PLCH1: variants seen among roughly 807,000 people sequenced by gnomAD.
The protein encoded by PLCH1 is phospholipase C eta 1, also known as 1-phosphatidylinositol 4,5-bisphosphate phosphodiesterase eta-1.
A neutral mutation model predicts 126.7 loss-of-function variants in PLCH1; 60 were observed. That is an observed-to-expected ratio of 0.47 (90% CI 0.38 to 0.59). PLCH1 has a LOEUF of 0.59. Ranked by LOEUF, PLCH1 falls within the 20% of genes least tolerant of loss-of-function variation. The pLI, the probability that PLCH1 is intolerant of heterozygous loss-of-function variation, is 0.00. For missense variants in PLCH1, 1,723 were observed against 2,040.0 expected, an observed-to-expected ratio of 0.84 and a Z score of 2.99; for synonymous variants, 719 against 734.9, an observed-to-expected ratio of 0.98 and a Z score of 0.35.
intron 2 of PLCH1, among the ~76,000 whole-genome samples, chr3:155,661,326 C>G (rs1742112666): frequency 6.6e-6 from 1 of 152,152 alleles, no homozygotes; most frequent in African/African-American, 2.4e-5. Flanking sequence ...GCAACCCTAG[C>G]TGGAGGGTAA....
chr3:155,632,035 AG>A (rs1221292317), intron 2 of PLCH1, among the ~76,000 whole-genome samples: 1 of 152,126 alleles, frequency 6.6e-6, no homozygotes, highest in Non-Finnish European at 1.5e-5. Context: ...TGAGGATCCA[AG>A]GTTTTAAACC....
At chr3:155,467,335 C>A (rs7621710) in intron 21 of PLCH1, among the ~76,000 whole-genome samples, 63,289 of 151,710 alleles carry the variant, frequency 0.42, 17,554 homozygotes, top group African/African-American at 0.79. Flanking sequence ...GCACTTTGGA[C>A]GGCTAAGGTG....
At chr3:155,578,891 C>T (rs982532983) in intron 6 of PLCH1, among the ~76,000 whole-genome samples, 3 of 152,100 alleles carry the variant, frequency 2.0e-5, no homozygotes, top group Non-Finnish European at 2.9e-5. Context: ...GCAGACCATA[C>T]GACCCTCATT....
chr3:155,663,218 GTTCATATC>G (rs1178931699), intron 2 of PLCH1, among the ~76,000 whole-genome samples: 9 of 152,138 alleles, frequency 5.9e-5, no homozygotes, highest in Non-Finnish European at 1.0e-4. Context: ...TTCTGGCTAA[GTTCATATC>G]TTGTGTTTTC....
chr3:155,506,456 C>T (rs1369080974), intron 12 of PLCH1, among the ~76,000 whole-genome samples: 1 of 151,000 alleles, frequency 6.6e-6, no homozygotes, highest in East Asian at 2.0e-4. Flanking sequence ...CACCCACTAA[C>T]GTGTCAACTA....
chr3:155,697,517 A>T (rs1174739528), intron 2 of PLCH1, among the ~76,000 whole-genome samples: 1 of 152,164 alleles, frequency 6.6e-6, no homozygotes, highest in African/African-American at 2.4e-5. Context: ...GACTGAAGAG[A>T]TTGCTTAAGT....
intron 7 of PLCH1, among the ~76,000 whole-genome samples, chr3:155,567,202 A>G (rs1728645811): frequency 6.6e-6 from 1 of 152,026 alleles, no homozygotes; most frequent in Non-Finnish European, 1.5e-5. Flanking sequence ...TTTCCTGAGT[A>G]GCTGGGATTA....
intron 1 of PLCH1, among the ~76,000 whole-genome samples, chr3:155,728,263 T>A (rs1748492745): frequency 6.6e-6 from 1 of 152,146 alleles, no homozygotes; most frequent in Admixed American, 6.5e-5. Flanking sequence ...GAGCCACAGA[T>A]CCATGCAGTT....
At chr3:155,695,877 T>C (rs2109056849) in intron 2 of PLCH1, among the ~76,000 whole-genome samples, 1 of 152,282 alleles carries the variant, frequency 6.6e-6, no homozygotes. Flanking sequence ...GGGCAAGGAA[T>C]GCAAACGTCA....
Position 155,585,636 on chromosome 3 carries a change from T to G in PLCH1, c.600+429A>C, listed in dbSNP as rs114354863. Among the ~76,000 whole-genome samples, 463 of 152,306 alleles carry G rather than the reference T, an allele frequency of 3.0e-3. 2 individuals are homozygous for G. The highest frequency in any genetic ancestry group is 0.02 in the South Asian group (98 of 4,830). ...CCTAAATGGCAGGAGTGAATTGCCC[T>G]CCTAATCCTCATGGATACTAAATCC... is the stretch of plus-strand genomic sequence containing the variant. On this transcript the variant is annotated intron_variant, in intron 5 of 22. Transcript: ENST00000460012.
chr3:155,684,014 T>C (rs1418214010), intron 2 of PLCH1, among the ~76,000 whole-genome samples: 1 of 152,206 alleles, frequency 6.6e-6, no homozygotes, highest in Non-Finnish European at 1.5e-5. Flanking sequence ...ACCTGATATC[T>C]TAATACAGGA....
At chr3:155,539,752 A>G (rs1723962913) in intron 10 of PLCH1, among the ~76,000 whole-genome samples, 1 of 152,194 alleles carries the variant, frequency 6.6e-6, no homozygotes, top group South Asian at 2.1e-4. Flanking sequence ...ACACAAACAA[A>G]TGGAAACACA....
At position 155,534,066 on chromosome 3, in the gene PLCH1, C is replaced by T. The variant is rs921704663; in HGVS notation, c.1363-10062G>A. ...TTGGAGGCCCCATACAAAATCCCCA[C>T]TGGACCACTGTGTAGTAAAGCTGTG... is the stretch of plus-strand genomic sequence containing the variant. On this transcript the variant is annotated intron_variant, in intron 10 of 22. Transcript: ENST00000460012. Among the ~76,000 whole-genome samples the T allele has an allele frequency of 3.3e-5, 5 of 152,326 alleles. No individual in the cohort carries two copies. In the East Asian group the frequency reaches 9.6e-4, roughly 29 times the overall value.
At chr3:155,619,417 A>G (rs769322117) in intron 2 of PLCH1, among the ~76,000 whole-genome samples, 9 of 151,554 alleles carry the variant, frequency 5.9e-5, no homozygotes, top group Non-Finnish European at 7.4e-5. Context: ...TACCCCCAGT[A>G]GCTCCCAGTT....
intron 2 of PLCH1, among the ~76,000 whole-genome samples, chr3:155,622,391 G>T (rs1292289264): frequency 6.6e-6 from 1 of 152,122 alleles, no homozygotes; most frequent in Non-Finnish European, 1.5e-5. Context: ...ATGATGACAG[G>T]ATCAAATTCA....
chr3:155,497,386 A>G lies in PLCH1; in HGVS notation c.1828T>C (p.Cys610Arg), dbSNP rs1717199813. ...LGRRRKTMKLCRELSDLVVYT... is the reference protein window; with the variant it reads ...LGRRRKTMKLRRELSDLVVYT... ...ACAACCAAATCAGAGAGTTCTCGGC[A>G]GAGCTTCATGGTTTTCCTTCGGCGA... Residue 610 changes from cysteine (C) to arginine (R), a missense_variant, in exon 15 of 23, where the codon TGC becomes CGC. By Grantham distance (180) the Cys-to-Arg change is radical. Transcript: ENST00000460012. 6.2e-7 allele frequency: 1 copy of G among 1,613,820 alleles called. No individual in the cohort carries two copies.
chr3:155,472,181 C>T (rs1482138146), intron 21 of PLCH1, among the ~76,000 whole-genome samples: 1 of 151,374 alleles, frequency 6.6e-6, no homozygotes, highest in African/African-American at 2.4e-5. Context: ...AGACCACTAG[C>T]AAGACTAATA....
intron 10 of PLCH1, among the ~76,000 whole-genome samples, chr3:155,542,319 A>G (rs1047780157): frequency 7.2e-5 from 11 of 152,242 alleles, no homozygotes; most frequent in African/African-American, 2.7e-4. Flanking sequence ...GCAAGGCAGC[A>G]GCGAGGCTGG....
chr3:155,587,859 A>G (rs551286671), intron 4 of PLCH1, among the ~76,000 whole-genome samples: 1 of 152,332 alleles, frequency 6.6e-6, no homozygotes, highest in Non-Finnish European at 1.5e-5. Context: ...GGGGTAGGTT[A>G]CAAAAGGCAA....
Sources: allele counts gnomAD v4.1 joint callset (sites outside exome capture counted in the v4.1 genomes callset), GRCh38; gene constraint gnomAD v4.1.1; transcripts MANE v1.5; gene names NCBI Gene and HGNC (gene_info 2026-07-23, HGNC 2026-07-21).